The following KCNQ1 variants were observed in gnomAD, a reference collection of about 807,000 sequenced individuals.
The protein encoded by KCNQ1 is potassium voltage-gated channel subfamily Q member 1, also known as potassium voltage-gated channel subfamily KQT member 1.
Under a neutral mutation model 72.4 loss-of-function variants are expected in KCNQ1, and 49 were observed. The ratio of observed to expected loss-of-function variants is 0.68; its 90% CI spans 0.54 to 0.86. The LOEUF (loss-of-function observed/expected upper bound fraction) is 0.86, where lower values mean the gene tolerates loss of function less well. Among genes scored for constraint, KCNQ1 ranks in the 40% least tolerant of loss-of-function variants. The probability of loss-of-function intolerance (pLI) is 0.00; values close to 1 mark genes in which losing one functional copy is unlikely to be tolerated. For missense variants in KCNQ1, 790 were observed against 945.1 expected, an observed-to-expected ratio of 0.84 and a Z score of 2.15; for synonymous variants, 450 against 412.6, an observed-to-expected ratio of 1.09 and a Z score of -1.10.
rs949127384 is a variant in KCNQ1 at position 2,787,333 on chromosome 11, G to A, written c.1794+9296G>A. Among the ~76,000 whole-genome samples the A allele has an allele frequency of 1.5e-4, 23 of 152,280 alleles. No homozygotes were observed. The highest frequency in any genetic ancestry group is 5.1e-4 in the African/African-American group (21 of 41,572). Reference sequence around the variant, plus strand: ...CCAGCTTTGTGTAAGTCTCTGCTATGAGACTTCCTGGGGCAGGCCTGGGCT... The same window carrying A: ...CCAGCTTTGTGTAAGTCTCTGCTATAAGACTTCCTGGGGCAGGCCTGGGCT... On this transcript the variant is annotated intron_variant, in intron 15 of 15. Transcript: ENST00000155840. This position sits in a 1 kb window ranked among gnomAD's most constrained non-coding sequence, Gnocchi z 6.3.
rs940147391 is a variant in KCNQ1 at position 2,617,087 on chromosome 11, G to A, written c.1393+28233G>A. ...CAGTTATTCTTTTGTGTGTATGAGT[G>A]AGAAAAGCTATGATCTACTCAATTG... On this transcript the variant is annotated intron_variant, in intron 10 of 15. Coordinates refer to ENST00000155840, the MANE Select transcript of KCNQ1 (RefSeq NM_000218.3). The surrounding 1 kb of genome is among the most constrained non-coding windows in gnomAD (Gnocchi z 4.6). 5.5e-5 allele frequency: 22 copies of A among 398,048 alleles called. No homozygotes were observed. The highest frequency in any genetic ancestry group is 9.3e-5 in the Non-Finnish European group (21 of 225,868). The allele number at this position is 398,048 out of a possible 1,614,324, so 24.7% of individuals were successfully genotyped here. A position where few individuals can be genotyped will look rare whatever the true frequency, so the allele number is the denominator to read the frequency against.
In KCNQ1 at chr11:2,549,623, C is replaced by T. The variant is rs1375645200; in HGVS notation, c.478-21005C>T. On this transcript the variant is annotated intron_variant, in intron 2 of 15. Coordinates refer to ENST00000155840, the MANE Select transcript of KCNQ1 (RefSeq NM_000218.3). The surrounding 1 kb of genome is among the most constrained non-coding windows in gnomAD (Gnocchi z 6.2). ...CTTCCAGTGACTGCTCTGCGAGGCC[C>T]GGGGTAGGGGCGTGGGGGGGCCTCC... is the stretch of plus-strand genomic sequence containing the variant. 2.8e-5 allele frequency among the ~76,000 whole-genome samples: 3 copies of T among 105,440 alleles called. No individual in the cohort carries two copies. Among genetic ancestry groups the T allele is most frequent in the African/African-American group, 1.6e-4 (3 of 18,964 alleles). The allele number at this position is 105,440 out of a possible 152,430, so 69.2% of individuals were successfully genotyped here.
At chr11:2,802,821 G>C (rs1205712808) in intron 15 of KCNQ1, among the ~76,000 whole-genome samples, 1 of 152,216 alleles carries the variant, frequency 6.6e-6, no homozygotes, top group Non-Finnish European at 1.5e-5. Context: ...GAATGGGGAA[G>C]CTGAGTGGCC....
intron 8 of KCNQ1, 55 bp downstream of exon 8, chr11:2,585,362 A>G (rs1194241711): frequency 6.7e-7 from 1 of 1,497,316 alleles, no homozygotes; most frequent in South Asian, 1.1e-5. Flanking sequence ...TTATTGTTGC[A>G]TCCAGCCCTC....
At chr11:2,689,133 G>A in intron 11 of KCNQ1, 1 of 398,746 alleles carries the variant, frequency 2.5e-6, no homozygotes, top group East Asian at 3.6e-5. Context: ...GAAAGCCTGA[G>A]ACCCTAAGGA....
chr11:2,612,331 C>A lies in KCNQ1; in HGVS notation c.1393+23477C>A, dbSNP rs1256772537. The A allele has an allele frequency of 1.0e-5, 4 of 398,572 alleles. No individual in the cohort carries two copies. Among genetic ancestry groups the A allele is most frequent in the Non-Finnish European group, 1.8e-5 (4 of 226,098 alleles). The allele number at this position is 398,572 out of a possible 1,614,324, so 24.7% of individuals were successfully genotyped here. On this transcript the variant is annotated intron_variant, in intron 10 of 15. Coordinates refer to ENST00000155840, the MANE Select transcript of KCNQ1 (RefSeq NM_000218.3). The surrounding 1 kb of genome is among the most constrained non-coding windows in gnomAD (Gnocchi z 5.5). ...AGAATCTAACTAAAGCCTCCCCCAACTGGCTGTGGAAAAATTGTCTTCCAC... is the reference window on the plus strand; with the variant it reads ...AGAATCTAACTAAAGCCTCCCCCAAATGGCTGTGGAAAAATTGTCTTCCAC...
chr11:2,689,078 C>T (rs1024945170), intron 11 of KCNQ1: 2 of 398,668 alleles, frequency 5.0e-6, no homozygotes, highest in African/African-American at 4.1e-5. Flanking sequence ...GGTGGCACAT[C>T]CGGCCTGGAA....
chr11:2,530,311 G>C (rs1024817336), intron 2 of KCNQ1, among the ~76,000 whole-genome samples: 1 of 152,216 alleles, frequency 6.6e-6, no homozygotes, highest in Admixed American at 6.5e-5. Flanking sequence ...TTCTGCCCCG[G>C]CCAACTGACA....
At chr11:2,581,587 C>T (rs147987925) in intron 6 of KCNQ1, among the ~76,000 whole-genome samples, 1,807 of 152,358 alleles carry the variant, frequency 0.012, 48 homozygotes, top group Non-Finnish European at 0.011. Flanking sequence ...CGTGTGCCTG[C>T]GCTGTGCGTT....
At chr11:2,522,745 C>T (rs1048334246) in intron 1 of KCNQ1, among the ~76,000 whole-genome samples, 41 of 152,354 alleles carry the variant, frequency 2.7e-4, no homozygotes, top group African/African-American at 9.4e-4. Context: ...GCCTGGCCTG[C>T]GGGGGAACGT....
In KCNQ1 at chr11:2,752,865, C is replaced by T. The variant is rs955019104; in HGVS notation, c.1515-15979C>T. Among the ~76,000 whole-genome samples the T allele has an allele frequency of 2.6e-5, 4 of 152,126 alleles. No homozygotes were observed. The highest frequency in any genetic ancestry group is 1.3e-4 in the Admixed American group (2 of 15,280). On this transcript the variant is annotated intron_variant, in intron 11 of 15. Transcript: ENST00000155840. The surrounding 1 kb of genome is among the most constrained non-coding windows in gnomAD (Gnocchi z 5.2). ...TTCTGGGTTATGTCAAAATGAGTTC[C>T]CTTTGCTGAATCTGTTTCAGCCACC...
chr11:2,627,062 G>A lies in KCNQ1; in HGVS notation c.1394-34899G>A, dbSNP rs1426046374. 2.5e-6 allele frequency: 1 copy of A among 398,412 alleles called. No homozygotes were observed. The highest frequency in any genetic ancestry group is 2.1e-5 in the African/African-American group (1 of 48,600). 24.7% of individuals were successfully genotyped at this position (398,412 alleles called of 1,614,324 possible). ...GCCTTCCAATCCATGAACATAGGAG[G>A]TGTTTTCCCTTTATGTCTACTTTAA... On this transcript the variant is annotated intron_variant, in intron 10 of 15. Transcript: ENST00000155840. This position sits in a 1 kb window ranked among gnomAD's most constrained non-coding sequence, Gnocchi z 4.9.
At chr11:2,705,298 C>G (rs75294921) in intron 11 of KCNQ1, among the ~76,000 whole-genome samples, 1 of 152,092 alleles carries the variant, frequency 6.6e-6, no homozygotes, top group Non-Finnish European at 1.5e-5. Context: ...AGTGGCAGCA[C>G]GGGGTGTGGG....
Position 2,710,658 on chromosome 11 carries a change from G to A in KCNQ1, c.1514+48577G>A, listed in dbSNP as rs759064814. Among the ~76,000 whole-genome samples, 8 of 152,188 alleles carry A rather than the reference G, an allele frequency of 5.3e-5. No individual in the cohort carries two copies. The highest frequency in any genetic ancestry group is 1.2e-4 in the Non-Finnish European group (8 of 68,034). ...CCGCTTTCAGTTAGTTTAACATATGGTGTGAGGTAGGGGTCTAACTTTATT... is the reference window on the plus strand; with the variant it reads ...CCGCTTTCAGTTAGTTTAACATATGATGTGAGGTAGGGGTCTAACTTTATT... On this transcript the variant is annotated intron_variant, in intron 11 of 15. Coordinates refer to ENST00000155840, the MANE Select transcript of KCNQ1 (RefSeq NM_000218.3). This position sits in a 1 kb window ranked among gnomAD's most constrained non-coding sequence, Gnocchi z 4.1.
At position 2,588,566 on chromosome 11, in the gene KCNQ1, C is replaced by A. The variant is rs1848626289; in HGVS notation, c.1252-147C>A. The A allele has an allele frequency of 2.1e-6, 2 of 962,190 alleles. No homozygotes were observed. The highest frequency in any genetic ancestry group is 1.6e-5 in the African/African-American group (1 of 61,724). 59.6% of individuals were successfully genotyped at this position (962,190 alleles called of 1,614,324 possible). A position where few individuals can be genotyped will look rare whatever the true frequency, so the allele number is the denominator to read the frequency against. On this transcript the variant is annotated intron_variant, in intron 9 of 15. Coordinates refer to ENST00000155840, the MANE Select transcript of KCNQ1 (RefSeq NM_000218.3). This position sits in a 1 kb window ranked among gnomAD's most constrained non-coding sequence, Gnocchi z 5.6. ...CCTGCCCTGTCTCTGTGTGAAGACA[C>A]TGGAGCTGGCCCCAGGCCTCAGGTC...
In KCNQ1 at chr11:2,698,555, C is replaced by A; in HGVS notation, c.1514+36474C>A. The A allele has an allele frequency of 2.5e-6, 1 of 398,500 alleles. No homozygotes were observed. The highest frequency in any genetic ancestry group is 4.4e-6 in the Non-Finnish European group (1 of 226,076). 24.7% of individuals were successfully genotyped at this position (398,500 alleles called of 1,614,324 possible). ...CTCAGACTGCAACCTTTACTTCGCC[C>A]CCTAATTCCTGACTCAGAATCCCCA... is the stretch of plus-strand genomic sequence containing the variant. On this transcript the variant is annotated intron_variant, in intron 11 of 15. Transcript: ENST00000155840. The surrounding 1 kb of genome is among the most constrained non-coding windows in gnomAD (Gnocchi z 5.1).
chr11:2,705,948 G>A (rs977827593), intron 11 of KCNQ1, among the ~76,000 whole-genome samples: 1 of 152,182 alleles, frequency 6.6e-6, no homozygotes, highest in African/African-American at 2.4e-5. Context: ...AGCAGTGGGT[G>A]CAGAGTCATT....
Position 2,468,983 on chromosome 11 carries a change from A to G in KCNQ1, c.386+23499A>G, listed in dbSNP as rs999039803. Reference sequence around the variant, plus strand: ...GGGTGAGGGCTTCACTTTCTAGGACACTGACAAACCGTTTTCTAAAGCAGC... The same window carrying G: ...GGGTGAGGGCTTCACTTTCTAGGACGCTGACAAACCGTTTTCTAAAGCAGC... On this transcript the variant is annotated intron_variant, in intron 1 of 15. Coordinates refer to ENST00000155840, the MANE Select transcript of KCNQ1 (RefSeq NM_000218.3). This position sits in a 1 kb window ranked among gnomAD's most constrained non-coding sequence, Gnocchi z 5.7. 6.6e-6 allele frequency among the ~76,000 whole-genome samples: 1 copy of G among 152,182 alleles called. No individual in the cohort carries two copies. The highest frequency in any genetic ancestry group is 2.4e-5 in the African/African-American group (1 of 41,442).
Position 2,768,911 on chromosome 11 carries a change from A to C in KCNQ1, c.1582A>C (p.Lys528Gln). Reference sequence around the variant, plus strand: ...CATGCAGTACTTTGTGGCCAAGAAGAAATTCCAGGTAAGCCCTGTGCTGAG... The same window carrying C: ...CATGCAGTACTTTGTGGCCAAGAAGCAATTCCAGGTAAGCCCTGTGCTGAG... ...RRMQYFVAKK[K>Q]FQQARKPYDV... The change falls in exon 12 of 16, where the codon AAA becomes CAA. Residue 528 changes from lysine to glutamine, a missense_variant. This residue lies in a region of KCNQ1 where 91 missense variants were observed against 139.1 expected (regional missense o/e 0.65). Coordinates refer to ENST00000155840, the MANE Select transcript of KCNQ1 (RefSeq NM_000218.3). The surrounding 1 kb of genome is among the most constrained non-coding windows in gnomAD (Gnocchi z 6.7). 6.2e-7 allele frequency: 1 copy of C among 1,613,772 alleles called. No homozygotes were observed. Among genetic ancestry groups the C allele is most frequent in the Non-Finnish European group, 8.5e-7 (1 of 1,179,768 alleles).
Sources: allele counts gnomAD v4.1 joint callset (sites outside exome capture counted in the v4.1 genomes callset), GRCh38; gene constraint gnomAD v4.1.1; regional missense constraint gnomAD v4.1.1; non-coding constraint Gnocchi (gnomAD v3.1); transcripts MANE v1.5; gene names NCBI Gene and HGNC (gene_info 2026-07-23, HGNC 2026-07-21).